Variants in HERC2 observed in about 807,000 individuals in gnomAD.
HERC2 encodes HECT and RLD domain containing E3 ubiquitin protein ligase 2.
Under a neutral mutation model 537.7 loss-of-function variants are expected in HERC2, and 102 were observed. The ratio of observed to expected loss-of-function variants is 0.19; its 90% CI spans 0.16 to 0.22. The LOEUF (loss-of-function observed/expected upper bound fraction) is 0.22, where lower values mean the gene tolerates loss of function less well. Ranked by LOEUF, HERC2 falls within the 10% of genes least tolerant of loss-of-function variation. The pLI, the probability that HERC2 is intolerant of heterozygous loss-of-function variation, is 1.00. For synonymous variants in HERC2, 2,224 were observed against 2,466.2 expected (o/e 0.90, Z 2.91); for missense variants, 4,236 against 6,198.2 (o/e 0.68, Z 10.63).
At chr15:28,317,945 AAT>A (rs1159608894) in intron 2 of HERC2, among the ~76,000 whole-genome samples, 11 of 152,342 alleles carry the variant, frequency 7.2e-5, no homozygotes, top group African/African-American at 2.6e-4. Context: ...ATGCCTATCT[AAT>A]TTCATGTGCC....
chr15:28,279,615 CCACA>C lies in HERC2; in HGVS notation c.542+449_542+452del, dbSNP rs58447102. 9.5e-3 allele frequency among the ~76,000 whole-genome samples: 1,350 copies of C among 141,626 alleles called. 25 individuals carry two copies. Among genetic ancestry groups the C allele is most frequent in the African/African-American group, 0.033 (1,259 of 37,802 alleles). 92.9% of individuals were successfully genotyped at this position (141,626 alleles called of 152,430 possible). On this transcript the variant is annotated intron_variant, in intron 5 of 92. Coordinates refer to ENST00000261609, the MANE Select transcript of HERC2 (RefSeq NM_004667.6). ...TGAGGCCAGGAGCAAGACCCCATCT[CCACA>C]CACACACACACACACACACACACAC...
intron 64 of HERC2, among the ~76,000 whole-genome samples, chr15:28,175,229 C>G (rs1016873570): frequency 2.6e-5 from 4 of 152,092 alleles, no homozygotes; most frequent in Admixed American, 6.5e-5. Context: ...ATATCTTGCA[C>G]TAGGAGCATC....
intron 86 of HERC2, 159 bp from the exon 87 acceptor site, chr15:28,117,313 G>T (rs7495875): frequency 1.3e-6 from 1 of 779,754 alleles, no homozygotes; most frequent in South Asian, 1.5e-5. Flanking sequence ...AGACCCTGCC[G>T]TCTGGGGCGC....
rs1566937847 is a variant in HERC2 at position 28,142,970 on chromosome 15, A to G, written c.11419-18T>C. 8 of 1,605,492 alleles carry G rather than the reference A, an allele frequency of 5.0e-6. No homozygotes were observed. In the Middle Eastern group the frequency reaches 5.0e-4, roughly 100 times the overall value. ...GTAAAACTCTAAGAAACAACAGAAC[A>G]GTATTCTATCGCAGGAATCCAGGTG... On this transcript the variant is annotated intron_variant, in intron 74 of 92. Coordinates refer to ENST00000261609, the MANE Select transcript of HERC2 (RefSeq NM_004667.6).
chr15:28,304,702 A>ATTTTTTT (rs780900477), intron 2 of HERC2, among the ~76,000 whole-genome samples: 53 of 108,150 alleles, frequency 4.9e-4, no homozygotes, highest in Non-Finnish European at 7.2e-4. Context: ...AAGGGCTTCC[A>ATTTTTTT]TTTTTTTTTT....
chr15:28,280,101 C>A lies in HERC2; in HGVS notation c.509G>T (p.Ser170Ile). The A allele has an allele frequency of 6.2e-7, 1 of 1,614,082 alleles. No homozygotes were observed. The highest frequency in any genetic ancestry group is 8.5e-7 in the Non-Finnish European group (1 of 1,180,000). ...QENVKVKWKSSGISLPPVDKK... is the reference protein window; with the variant it reads ...QENVKVKWKSIGISLPPVDKK... ...GTCCACAGGAGGCAGAGAAATACCGCTGCTTTTCCACTTAACTTTGACATT... is the reference window on the plus strand; with the variant it reads ...GTCCACAGGAGGCAGAGAAATACCGATGCTTTTCCACTTAACTTTGACATT... The change falls in exon 5 of 93, where the codon AGC becomes ATC. Residue 170 changes from serine (S) to isoleucine (I), a missense_variant. Transcript: ENST00000261609.
Position 28,260,784 on chromosome 15 carries a change from G to A in HERC2, c.2309C>T (p.Pro770Leu). 6.2e-7 allele frequency: 1 copy of A among 1,613,912 alleles called. No homozygotes were observed. Among genetic ancestry groups the A allele is most frequent in the Non-Finnish European group, 8.5e-7 (1 of 1,179,820 alleles). Residue 770 changes from proline to leucine, a missense_variant, in exon 16 of 93, where the codon CCT becomes CTT. Coordinates refer to ENST00000261609, the MANE Select transcript of HERC2 (RefSeq NM_004667.6). ...TKHIVGIACG[P>L]AQSFAWSSCS... The stretch of plus-strand genomic sequence containing the variant: ...AAGCTCTATATTCAGTACCTGGGCA[G>A]GCCCACAGGCAATTCCCACTATGTG...
intron 15 of HERC2, among the ~76,000 whole-genome samples, chr15:28,262,210 C>T (rs541056168): frequency 2.0e-5 from 3 of 152,224 alleles, no homozygotes; most frequent in South Asian, 2.1e-4. Flanking sequence ...CCAGGTGGTA[C>T]GGAAAAGTCC....
chr15:28,293,665 T>C (rs1567129395), intron 3 of HERC2, among the ~76,000 whole-genome samples: 1 of 152,190 alleles, frequency 6.6e-6, no homozygotes, highest in African/African-American at 2.4e-5. Flanking sequence ...CCAATGCTTG[T>C]GTATCCATGG....
chr15:28,226,710 G>A (rs191013995), intron 35 of HERC2, among the ~76,000 whole-genome samples: 231 of 151,884 alleles, frequency 1.5e-3, no homozygotes, highest in Non-Finnish European at 2.4e-3. Context: ...TTTTGGATAC[G>A]ATATCAAAAG....
chr15:28,246,403 C>T (rs1903710324), intron 22 of HERC2, among the ~76,000 whole-genome samples: 1 of 152,100 alleles, frequency 6.6e-6, no homozygotes, highest in Middle Eastern at 3.5e-3. Context: ...TTAAAACATA[C>T]CAGGTAATAT....
At chr15:28,238,810 T>C in intron 23 of HERC2, 38 bp from the exon 24 acceptor site, 3 of 1,437,648 alleles carry the variant, frequency 2.1e-6, no homozygotes, top group Non-Finnish European at 2.9e-6. Context: ...CATTGATCAA[T>C]CAACAGGTAA....
At chr15:28,164,491 A>G (rs985422728) in intron 68 of HERC2, among the ~76,000 whole-genome samples, 4 of 152,190 alleles carry the variant, frequency 2.6e-5, no homozygotes, top group African/African-American at 7.2e-5. Context: ...TCAGTGAAAC[A>G]TATTAACAAG....
At chr15:28,204,641 C>G (rs1292149957) in intron 45 of HERC2, among the ~76,000 whole-genome samples, 1 of 149,100 alleles carries the variant, frequency 6.7e-6, no homozygotes, top group African/African-American at 2.5e-5. Flanking sequence ...AAAAGATAGA[C>G]TTAAAGGATG....
chr15:28,291,122 T>C (rs960769650), intron 4 of HERC2, among the ~76,000 whole-genome samples: 2 of 152,214 alleles, frequency 1.3e-5, no homozygotes, highest in African/African-American at 2.4e-5. Flanking sequence ...TAACAGGTAG[T>C]ACATGCTGGT....
Position 28,215,821 on chromosome 15 carries a change from A to G in HERC2, c.6029-19T>C, listed in dbSNP as rs750000906. On this transcript the variant is annotated intron_variant, in intron 38 of 92. Transcript: ENST00000261609. Reference sequence around the variant, plus strand: ...GGAGAAGCTGCAGGAGGGAAAATAGACATGCTTGGTAACAAGTCCCTAAAG... The same window carrying G: ...GGAGAAGCTGCAGGAGGGAAAATAGGCATGCTTGGTAACAAGTCCCTAAAG... 27 of 1,485,874 alleles carry G rather than the reference A, an allele frequency of 1.8e-5. No individual in the cohort carries two copies. In the Admixed American group the frequency reaches 4.9e-4, roughly 27 times the overall value. 92.0% of individuals were successfully genotyped at this position (1,485,874 alleles called of 1,614,324 possible).
At chr15:28,215,554 G>A in intron 39 of HERC2, 67 bp downstream of exon 39, 1 of 1,411,228 alleles carries the variant, frequency 7.1e-7, no homozygotes, top group South Asian at 1.2e-5. Context: ...CCCTGACTCT[G>A]AAGGCAGGGA....
At chr15:28,146,114 T>C (rs1891704350) in intron 71 of HERC2, 123 bp downstream of exon 71, 1 of 685,262 alleles carries the variant, frequency 1.5e-6, no homozygotes, top group South Asian at 1.8e-5. Flanking sequence ...GAATAGCATA[T>C]TGTCCCTTCC....
chr15:28,221,590 T>C (rs1023087295), intron 36 of HERC2, among the ~76,000 whole-genome samples: 1 of 86,070 alleles, frequency 1.2e-5, no homozygotes, highest in African/African-American at 4.5e-5. Flanking sequence ...TGAGGGAAGA[T>C]GGAAACGTGG....
Sources: gnomAD v4.1 joint callset for allele counts (sites outside exome capture counted in the v4.1 genomes callset) on GRCh38, gnomAD v4.1.1 for gene constraint, MANE v1.5 for transcripts, NCBI Gene and HGNC (gene_info 2026-07-23, HGNC 2026-07-21) for gene names.